CNTN5: variants seen among roughly 807,000 people sequenced by gnomAD.
CNTN5 encodes the protein contactin 5.
In CNTN5, 77 loss-of-function variants were observed where a neutral mutation model predicts 129.1. The ratio of observed to expected loss-of-function variants is 0.60; its 90% CI spans 0.50 to 0.72. The LOEUF is 0.72. CNTN5 is among the 30% of genes least tolerant of loss of function. The pLI is 0.00. For synonymous variants in CNTN5, 509 were observed against 465.6 expected, an observed-to-expected ratio of 1.09 and a Z score of -1.20; for missense variants, 1,478 against 1,328.8, an observed-to-expected ratio of 1.11 and a Z score of -1.75.
At chr11:99,022,892 A>C (rs1364965959) in intron 1 of CNTN5, among the ~76,000 whole-genome samples, 2 of 152,200 alleles carry the variant, frequency 1.3e-5, no homozygotes, top group Non-Finnish European at 2.9e-5. Flanking sequence ...TTGAGAAAGG[A>C]GGAGAAAAAC....
intron 17 of CNTN5, among the ~76,000 whole-genome samples, chr11:100,259,629 G>A (rs180842447): frequency 6.6e-6 from 1 of 152,082 alleles, no homozygotes; most frequent in African/African-American, 2.4e-5. Context: ...CTAGAACTCA[G>A]GATTGAGAAA....
intron 7 of CNTN5, among the ~76,000 whole-genome samples, chr11:99,924,382 T>C (rs925261395): frequency 3.8e-4 from 58 of 152,280 alleles, no homozygotes; most frequent in African/African-American, 1.4e-3. Context: ...TGAGGTCTTA[T>C]ATTTAAGTAT....
At position 99,916,083 on chromosome 11, in the gene CNTN5, A is replaced by G. The variant is rs770192861; in HGVS notation, c.607A>G (p.Ser203Gly). Residue 203 changes from serine (S) to glycine (G), a missense_variant, in exon 7 of 25, where the codon AGT (serine) becomes GGT (glycine). Transcript: ENST00000524871. ...YLGNFSGRTR[S>G]AVSVREGQGV... ...GGGAAATTTTAGTGGCCGGACAAGA[A>G]GTGCAGTCTCTGTGAGGGAAGGCCA... 1 of 1,612,512 alleles carries G rather than the reference A, an allele frequency of 6.2e-7. No individual in the cohort carries two copies. The highest frequency in any genetic ancestry group is 8.5e-7 in the Non-Finnish European group (1 of 1,179,242).
At chr11:99,643,663 C>T (rs1951849035) in intron 3 of CNTN5, among the ~76,000 whole-genome samples, 1 of 152,066 alleles carries the variant, frequency 6.6e-6, no homozygotes, top group South Asian at 2.1e-4. Flanking sequence ...TGGCTGGGCT[C>T]TTACTGTTAT....
chr11:99,785,153 C>G (rs1278919809), intron 3 of CNTN5, among the ~76,000 whole-genome samples: 2 of 152,068 alleles, frequency 1.3e-5, no homozygotes, highest in Non-Finnish European at 2.9e-5. Flanking sequence ...TCTCTAATGA[C>G]TGGTGATGAT....
chr11:100,052,613 G>A (rs910873003), intron 9 of CNTN5, among the ~76,000 whole-genome samples: 1 of 151,792 alleles, frequency 6.6e-6, no homozygotes, highest in Non-Finnish European at 1.5e-5. Context: ...ACTCAATAGT[G>A]TTCAGAAGTC....
At chr11:99,235,771 T>C (rs367898411) in intron 1 of CNTN5, among the ~76,000 whole-genome samples, 16 of 152,208 alleles carry the variant, frequency 1.1e-4, no homozygotes, top group East Asian at 7.7e-4. Flanking sequence ...CAAAATGTCC[T>C]ATGAGGAATA....
At chr11:99,576,016 C>T (rs1004017244) in intron 3 of CNTN5, among the ~76,000 whole-genome samples, 2 of 152,140 alleles carry the variant, frequency 1.3e-5, no homozygotes, top group African/African-American at 4.8e-5. Context: ...CACCATTCAG[C>T]TAAAACTTGT....
chr11:99,578,776 G>T (rs1175199351), intron 3 of CNTN5, among the ~76,000 whole-genome samples: 1 of 152,100 alleles, frequency 6.6e-6, no homozygotes, highest in Non-Finnish European at 1.5e-5. Flanking sequence ...CCATTCTGTA[G>T]GTTGCCTGTT....
intron 3 of CNTN5, among the ~76,000 whole-genome samples, chr11:99,718,439 C>A (rs1179271199): frequency 6.6e-6 from 1 of 151,976 alleles, no homozygotes; most frequent in African/African-American, 2.4e-5. Context: ...AGGAAAAGTT[C>A]CTGAGTGATT....
intron 8 of CNTN5, among the ~76,000 whole-genome samples, chr11:99,979,444 A>G (rs1213685943): frequency 6.6e-6 from 1 of 152,220 alleles, no homozygotes; most frequent in Non-Finnish European, 1.5e-5. Flanking sequence ...ATACAAAGGC[A>G]CTGGGGAAGA....
At chr11:100,273,133 A>G (rs984251012) in intron 18 of CNTN5, among the ~76,000 whole-genome samples, 3 of 152,002 alleles carry the variant, frequency 2.0e-5, no homozygotes, top group African/African-American at 7.2e-5. Context: ...GTATGGCCAC[A>G]CCTGCTTGCA....
At chr11:99,652,880 C>G (rs1264561128) in intron 3 of CNTN5, among the ~76,000 whole-genome samples, 2 of 151,820 alleles carry the variant, frequency 1.3e-5, no homozygotes, top group Non-Finnish European at 2.9e-5. Context: ...CACATCTGCC[C>G]CCAAGGGTTT....
At chr11:100,203,643 C>A (rs1948837375) in intron 15 of CNTN5, among the ~76,000 whole-genome samples, 1 of 151,804 alleles carries the variant, frequency 6.6e-6, no homozygotes, top group Non-Finnish European at 1.5e-5. Context: ...TTCCTTTTCT[C>A]CATTCCTGGA....
chr11:99,370,477 G>A (rs1366515727), intron 2 of CNTN5, among the ~76,000 whole-genome samples: 1 of 152,126 alleles, frequency 6.6e-6, no homozygotes, highest in African/African-American at 2.4e-5. Flanking sequence ...CCAAAGTATT[G>A]AACACGTACC....
At chr11:99,074,985 G>A (rs971594552) in intron 1 of CNTN5, among the ~76,000 whole-genome samples, 27 of 152,242 alleles carry the variant, frequency 1.8e-4, no homozygotes, top group African/African-American at 6.0e-4. Context: ...TGCATAATAT[G>A]ATGTATACAT....
chr11:99,907,703 A>AT (rs1483527833), intron 6 of CNTN5, among the ~76,000 whole-genome samples: 4 of 151,926 alleles, frequency 2.6e-5, no homozygotes, highest in Non-Finnish European at 4.4e-5. Flanking sequence ...TATATGACAC[A>AT]TTTTCTCAAC....
intron 13 of CNTN5, among the ~76,000 whole-genome samples, chr11:100,184,837 T>C (rs1948247993): frequency 6.6e-6 from 1 of 152,164 alleles, no homozygotes. Context: ...ACAGTATGGC[T>C]CTGTATCCCC....
intron 13 of CNTN5, among the ~76,000 whole-genome samples, chr11:100,186,202 ATAAG>A (rs1948297378): frequency 6.6e-6 from 1 of 151,928 alleles, no homozygotes; most frequent in Non-Finnish European, 1.5e-5. Flanking sequence ...CTACAAATAA[ATAAG>A]TAACTAAATA....
Sources: allele counts gnomAD v4.1 joint callset (sites outside exome capture counted in the v4.1 genomes callset), GRCh38; gene constraint gnomAD v4.1.1; transcripts MANE v1.5; gene names NCBI Gene and HGNC (gene_info 2026-07-23, HGNC 2026-07-21).